The following ACSS3 variants were observed in gnomAD, a reference collection of about 807,000 sequenced individuals.
ACSS3 encodes acyl-CoA synthetase short-chain family member 3, mitochondrial.
Under a neutral mutation model 84.2 loss-of-function variants are expected in ACSS3, and 64 were observed. The ratio of observed to expected loss-of-function variants is 0.76; its 90% confidence interval spans 0.62 to 0.94. The LOEUF is 0.94. Ranked by LOEUF, ACSS3 falls within the 40% of genes least tolerant of loss-of-function variation. The probability of loss-of-function intolerance (pLI) is 0.00; values close to 1 mark genes in which losing one functional copy is unlikely to be tolerated. For synonymous variants in ACSS3, 317 were observed against 310.1 expected, an observed-to-expected ratio of 1.02 and a Z score of -0.23; for missense variants, 815 against 867.6, an observed-to-expected ratio of 0.94 and a Z score of 0.76.
At chr12:81,130,998 G>A (rs1885460298) in intron 2 of ACSS3, among the ~76,000 whole-genome samples, 1 of 152,164 alleles carries the variant, frequency 6.6e-6, no homozygotes, top group Non-Finnish European at 1.5e-5. Flanking sequence ...TCTCTGTTTT[G>A]GTACCAGTAC....
At chr12:81,109,734 A>G in intron 2 of ACSS3, 30 bp downstream of exon 2, 1 of 1,480,574 alleles carries the variant, frequency 6.8e-7, no homozygotes, top group Non-Finnish European at 9.1e-7. Context: ...ATATGTATAT[A>G]TGAATTCATA....
chr12:81,241,025 C>T (rs1441824492), intron 13 of ACSS3, among the ~76,000 whole-genome samples: 3 of 138,268 alleles, frequency 2.2e-5, no homozygotes, highest in Non-Finnish European at 4.6e-5. Flanking sequence ...GTGATGTTCC[C>T]CTTCCTGCAT....
chr12:81,198,567 A>G (rs2031953262), intron 8 of ACSS3, among the ~76,000 whole-genome samples: 1 of 151,340 alleles, frequency 6.6e-6, no homozygotes, highest in African/African-American at 2.4e-5. Flanking sequence ...TATATATATA[A>G]ACAGGTCCTG....
Position 81,078,143 on chromosome 12 carries a change from G to A in ACSS3, c.23G>A (p.Cys8Tyr). The change falls in exon 1 of 16, where the codon TGT becomes TAT. Residue 8 changes from cysteine to tyrosine, a missense_variant. By Grantham distance (194) the Cys-to-Tyr change is radical (BLOSUM62 -2). Coordinates refer to ENST00000548058, the MANE Select transcript of ACSS3 (RefSeq NM_024560.4). MKPSWLQ[C>Y]RKVTSAGGLG... Reference sequence around the variant, plus strand: ...GAGATGAAACCGTCTTGGCTGCAGTGTCGTAAAGTCACCAGCGCCGGGGGG... The same window carrying A: ...GAGATGAAACCGTCTTGGCTGCAGTATCGTAAAGTCACCAGCGCCGGGGGG... 1.3e-6 allele frequency: 2 copies of A among 1,504,914 alleles called. No homozygotes were observed. The highest frequency in any genetic ancestry group is 1.8e-6 in the Non-Finnish European group (2 of 1,131,128). The allele number at this position is 1,504,914 out of a possible 1,614,324, so 93.2% of individuals were successfully genotyped here.
At chr12:81,119,475 G>T (rs903673625) in intron 2 of ACSS3, among the ~76,000 whole-genome samples, 1 of 152,104 alleles carries the variant, frequency 6.6e-6, no homozygotes, top group African/African-American at 2.4e-5. Flanking sequence ...AAGCCTGAGG[G>T]TACTGCAGGA....
chr12:81,211,720 A>G (rs891420069), intron 9 of ACSS3, among the ~76,000 whole-genome samples: 3 of 152,220 alleles, frequency 2.0e-5, no homozygotes, highest in African/African-American at 7.2e-5. Context: ...GTGTGTAACT[A>G]TTTAAATAAA....
intron 9 of ACSS3, among the ~76,000 whole-genome samples, chr12:81,200,314 ATATTT>A (rs1182738488): frequency 6.6e-6 from 1 of 152,156 alleles, no homozygotes; most frequent in Non-Finnish European, 1.5e-5. Context: ...TTATATGTAC[ATATTT>A]TATTTTAGTC....
chr12:81,119,391 G>A (rs879461350), intron 2 of ACSS3, among the ~76,000 whole-genome samples: 1 of 152,100 alleles, frequency 6.6e-6, no homozygotes, highest in Non-Finnish European at 1.5e-5. Context: ...TTAAATAACA[G>A]AAAACAGGGT....
chr12:81,221,170 A>T (rs143925558), intron 11 of ACSS3, among the ~76,000 whole-genome samples: 169 of 152,182 alleles, frequency 1.1e-3, no homozygotes, highest in Non-Finnish European at 2.2e-3. Context: ...ATGGAAGTTG[A>T]TTAAGTTAGA....
chr12:81,257,815 T>C lies in ACSS3; in HGVS notation c.*2893T>C, dbSNP rs2034363919. ...AATCTAGTAGAAGTTATCTTTCTTA[T>C]AAATTAAAACATATTTTATGCTTCT... On this transcript the variant is annotated 3_prime_UTR_variant, in exon 16 of 16. Coordinates refer to ENST00000548058, the MANE Select transcript of ACSS3 (RefSeq NM_024560.4). 6.6e-6 allele frequency: 1 copy of C among 152,164 alleles called. No individual in the cohort carries two copies. Among genetic ancestry groups the C allele is most frequent in the East Asian group, 1.9e-4 (1 of 5,200 alleles). The allele number at this position is 152,164 out of a possible 1,614,324, so 9.4% of individuals were successfully genotyped here.
chr12:81,092,177 G>T (rs1881711142), intron 1 of ACSS3, among the ~76,000 whole-genome samples: 1 of 152,100 alleles, frequency 6.6e-6, no homozygotes, highest in South Asian at 2.1e-4. Flanking sequence ...TTATTCATTT[G>T]TTAATGCATT....
intron 7 of ACSS3, among the ~76,000 whole-genome samples, chr12:81,171,791 A>T (rs1408712641): frequency 1.3e-5 from 2 of 152,180 alleles, no homozygotes; most frequent in Non-Finnish European, 2.9e-5. Context: ...AGGAGATTTT[A>T]TCACTTTGTG....
intron 9 of ACSS3, among the ~76,000 whole-genome samples, chr12:81,204,364 C>T (rs1181188502): frequency 6.7e-6 from 1 of 149,974 alleles, no homozygotes; most frequent in Admixed American, 6.7e-5. Context: ...CTTCCTCCCT[C>T]CCCCCTCGTT....
intron 4 of ACSS3, among the ~76,000 whole-genome samples, chr12:81,142,150 A>G (rs1232287148): frequency 6.6e-6 from 1 of 152,166 alleles, no homozygotes; most frequent in Admixed American, 6.5e-5. Flanking sequence ...GAATCACTTT[A>G]ATGAAATGGT....
chr12:81,131,088 T>G (rs1885466720), intron 2 of ACSS3, among the ~76,000 whole-genome samples: 1 of 152,230 alleles, frequency 6.6e-6, no homozygotes, highest in Non-Finnish European at 1.5e-5. Context: ...TTCTTTTGGC[T>G]TAGGATTGTC....
chr12:81,156,377 T>C (rs1886870703), intron 7 of ACSS3, among the ~76,000 whole-genome samples: 1 of 151,762 alleles, frequency 6.6e-6, no homozygotes, highest in Non-Finnish European at 1.5e-5. Context: ...AAATCAAGAA[T>C]ATAAGCTCCT....
intron 9 of ACSS3, among the ~76,000 whole-genome samples, chr12:81,214,803 C>T (rs1188413943): frequency 2.0e-5 from 3 of 152,170 alleles, no homozygotes; most frequent in Admixed American, 6.5e-5. Flanking sequence ...AGAGTTTGAA[C>T]TCTAGGTAAC....
At chr12:81,224,464 A>C (rs1194311582) in intron 11 of ACSS3, among the ~76,000 whole-genome samples, 1 of 151,632 alleles carries the variant, frequency 6.6e-6, no homozygotes, top group Non-Finnish European at 1.5e-5. Flanking sequence ...GTCTATCTGG[A>C]TCTTATTGCT....
At chr12:81,108,023 A>G (rs1883223320) in intron 1 of ACSS3, among the ~76,000 whole-genome samples, 2 of 152,100 alleles carry the variant, frequency 1.3e-5, no homozygotes, top group South Asian at 4.1e-4. Flanking sequence ...GTCTCCACTC[A>G]TGGAGGAAGG....
Sources: gnomAD v4.1 joint callset for allele counts (sites outside exome capture counted in the v4.1 genomes callset) on GRCh38, gnomAD v4.1.1 for gene constraint, MANE v1.5 for transcripts, NCBI Gene and HGNC (gene_info 2026-07-23, HGNC 2026-07-21) for gene names.